The following CALD1 variants were observed in gnomAD, a reference collection of about 807,000 sequenced individuals.
CALD1 encodes caldesmon.
A neutral mutation model predicts 99.9 loss-of-function variants in CALD1; 33 were observed. The observed-to-expected ratio is 0.33, with a 90% CI of 0.25 to 0.44. The LOEUF is 0.44. Ranked by LOEUF, CALD1 falls within the 20% of genes least tolerant of loss-of-function variation. The pLI is 1.00. For synonymous variants in CALD1, 310 were observed against 325.0 expected (o/e 0.95, Z 0.50); for missense variants, 861 against 962.1 (o/e 0.89, Z 1.39).
At chr7:134,912,285 T>A (rs1207629819) in intron 3 of CALD1, among the ~76,000 whole-genome samples, 1 of 152,208 alleles carries the variant, frequency 6.6e-6, no homozygotes, top group Non-Finnish European at 1.5e-5. Context: ...GCCCTGTCTT[T>A]TCAGCATTCT....
intron 9 of CALD1, among the ~76,000 whole-genome samples, chr7:134,954,416 C>A (rs1184933517): frequency 6.6e-6 from 1 of 152,142 alleles, no homozygotes; most frequent in Non-Finnish European, 1.5e-5. Context: ...TTCAGAAGAA[C>A]CAATTTCCCT....
chr7:134,873,683 C>A (rs1239666794), intron 3 of CALD1, among the ~76,000 whole-genome samples: 1 of 152,154 alleles, frequency 6.6e-6, no homozygotes, highest in Non-Finnish European at 1.5e-5. Flanking sequence ...TAGCACTGGG[C>A]AGCTATAGTG....
At chr7:134,939,034 A>C (rs1407447487) in intron 6 of CALD1, among the ~76,000 whole-genome samples, 1 of 152,210 alleles carries the variant, frequency 6.6e-6, no homozygotes, top group African/African-American at 2.4e-5. Context: ...TTATCCCTAA[A>C]ATGGGTTTCC....
intron 1 of CALD1, among the ~76,000 whole-genome samples, chr7:134,841,855 C>T (rs924728437): frequency 5.3e-5 from 8 of 152,196 alleles, no homozygotes; most frequent in African/African-American, 1.9e-4. Context: ...CCAGAGCACA[C>T]AGCCATCTCA....
At chr7:134,837,709 A>G (rs1477040021) in intron 1 of CALD1, among the ~76,000 whole-genome samples, 1 of 152,194 alleles carries the variant, frequency 6.6e-6, no homozygotes, top group Non-Finnish European at 1.5e-5. Flanking sequence ...CTTGGTATGG[A>G]GTGATTGATA....
intron 2 of CALD1, among the ~76,000 whole-genome samples, chr7:134,860,018 GA>G (rs1336509020): frequency 6.6e-6 from 1 of 152,070 alleles, no homozygotes; most frequent in African/African-American, 2.4e-5. Context: ...GAAGGCAAGG[GA>G]AAAACAGGTC....
intron 1 of CALD1, among the ~76,000 whole-genome samples, chr7:134,751,635 C>T (rs1171676284): frequency 1.4e-5 from 2 of 146,036 alleles, no homozygotes; most frequent in African/African-American, 5.1e-5. Context: ...ACAGATTTTT[C>T]TTTCTCTTCA....
chr7:134,822,516 T>C (rs1262471718), intron 1 of CALD1, among the ~76,000 whole-genome samples: 2 of 152,222 alleles, frequency 1.3e-5, no homozygotes, highest in Non-Finnish European at 2.9e-5. Context: ...TAGTGATTTT[T>C]CATAAGAAAC....
intron 1 of CALD1, among the ~76,000 whole-genome samples, chr7:134,842,798 T>G (rs1799702505): frequency 6.6e-6 from 1 of 152,166 alleles, no homozygotes; most frequent in African/African-American, 2.4e-5. Flanking sequence ...AAGGTGCTAG[T>G]TACAGTTTTT....
At chr7:134,770,161 AAC>A (rs1164395397) in intron 1 of CALD1, among the ~76,000 whole-genome samples, 1 of 152,216 alleles carries the variant, frequency 6.6e-6, no homozygotes, top group African/African-American at 2.4e-5. Context: ...TACAACAGCA[AAC>A]ATTTGTTTCT....
intron 1 of CALD1, among the ~76,000 whole-genome samples, chr7:134,842,377 T>C (rs1285516040): frequency 6.6e-6 from 1 of 152,266 alleles, no homozygotes. Context: ...TGCAATGTGC[T>C]TAGCACAGGG....
chr7:134,916,863 A>G (rs1804245620), intron 3 of CALD1, among the ~76,000 whole-genome samples: 1 of 152,254 alleles, frequency 6.6e-6, no homozygotes, highest in African/African-American at 2.4e-5. Flanking sequence ...GAACTTCTAG[A>G]TCACTCTAAA....
chr7:134,938,242 G>A (rs1470569531), intron 6 of CALD1, among the ~76,000 whole-genome samples: 1 of 152,138 alleles, frequency 6.6e-6, no homozygotes, highest in Non-Finnish European at 1.5e-5. Context: ...AGAAACAGTA[G>A]CTACACCCAG....
chr7:134,826,762 A>G (rs572615343), intron 1 of CALD1, among the ~76,000 whole-genome samples: 1 of 152,248 alleles, frequency 6.6e-6, no homozygotes, highest in African/African-American at 2.4e-5. Context: ...CTCCATCTCA[A>G]TATTTCTGAG....
At chr7:134,960,707 T>C in intron 13 of CALD1, 79 bp downstream of exon 13, 1 of 873,248 alleles carries the variant, frequency 1.1e-6, no homozygotes, top group Non-Finnish European at 1.9e-6. Flanking sequence ...GTTGGTCTGT[T>C]TACCTAGGAA....
chr7:134,895,498 T>C (rs904455040), intron 3 of CALD1, among the ~76,000 whole-genome samples: 3 of 152,120 alleles, frequency 2.0e-5, no homozygotes, highest in African/African-American at 7.2e-5. Flanking sequence ...CATCCAAAAA[T>C]GGGTCCAGTT....
At chr7:134,932,117 C>G (rs1805565216) in intron 4 of CALD1, among the ~76,000 whole-genome samples, 1 of 152,168 alleles carries the variant, frequency 6.6e-6, no homozygotes, top group Non-Finnish European at 1.5e-5. Context: ...TGGTTGGACA[C>G]TTCTGTTTAC....
At chr7:134,781,809 C>A (rs1215208576) in intron 1 of CALD1, among the ~76,000 whole-genome samples, 2 of 152,112 alleles carry the variant, frequency 1.3e-5, no homozygotes, top group Non-Finnish European at 2.9e-5. Context: ...AGTAAATACA[C>A]AATTCTTATA....
intron 1 of CALD1, among the ~76,000 whole-genome samples, chr7:134,788,703 G>A (rs1227874348): frequency 6.6e-6 from 1 of 152,124 alleles, no homozygotes; most frequent in Non-Finnish European, 1.5e-5. Flanking sequence ...ATTAATAAAT[G>A]AGTTAAATGA....
Sources: allele counts gnomAD v4.1 joint callset (sites outside exome capture counted in the v4.1 genomes callset), GRCh38; gene constraint gnomAD v4.1.1; transcripts MANE v1.5; gene names NCBI Gene and HGNC (gene_info 2026-07-23, HGNC 2026-07-21).